The following HEMK2 variants were observed in gnomAD, a reference collection of about 807,000 sequenced individuals.
The protein encoded by HEMK2 is HemK methyltransferase 2, ETF1 glutamine and histone H4 lysine.
chr21:28,766,050 A>C, the HEMK2 span, among the ~76,000 whole-genome samples: 1 of 152,114 alleles, frequency 6.6e-6, no homozygotes, highest in East Asian at 1.9e-4. Context: ...AAAGTATCAC[A>C]AGGACAGAAA....
At chr21:28,697,787 A>AAAAAAAAG in the HEMK2 span, among the ~76,000 whole-genome samples, 1 of 151,690 alleles carries the variant, frequency 6.6e-6, no homozygotes, top group East Asian at 1.9e-4. Context: ...CCAAAAAAAA[A>AAAAAAAAG]AAAAAAAAAA....
the HEMK2 span, among the ~76,000 whole-genome samples, chr21:28,858,523 T>C: frequency 6.6e-6 from 1 of 150,630 alleles, no homozygotes; most frequent in East Asian, 2.0e-4. Flanking sequence ...GTTATTCAGA[T>C]AGATGTATAG....
At chr21:28,644,604 G>A in the HEMK2 span, among the ~76,000 whole-genome samples, 1 of 152,156 alleles carries the variant, frequency 6.6e-6, no homozygotes, top group African/African-American at 2.4e-5. Flanking sequence ...TGGATCAAAT[G>A]AGCTAATAAC....
the HEMK2 span, among the ~76,000 whole-genome samples, chr21:28,591,468 A>T: frequency 2.2e-4 from 33 of 152,330 alleles, no homozygotes; most frequent in East Asian, 6.0e-3. Context: ...AAAAAAAATG[A>T]TGCATGACGT....
At chr21:28,735,153 G>C in the HEMK2 span, among the ~76,000 whole-genome samples, 184 of 152,258 alleles carry the variant, frequency 1.2e-3, 1 homozygote, top group African/African-American at 3.7e-3. Flanking sequence ...GGGCTATGTT[G>C]GTTTTCTGTT....
chr21:28,580,840 C>T, the HEMK2 span, among the ~76,000 whole-genome samples: 5 of 152,118 alleles, frequency 3.3e-5, no homozygotes, highest in Non-Finnish European at 7.3e-5. Context: ...AGGTGTTTCC[C>T]TTCCCAACTA....
At chr21:28,870,464 T>C in the HEMK2 span, among the ~76,000 whole-genome samples, 4 of 152,198 alleles carry the variant, frequency 2.6e-5, no homozygotes, top group Non-Finnish European at 5.9e-5. Flanking sequence ...TGCAATGGCA[T>C]GATCTCAGCT....
At chr21:28,579,384 G>T in the HEMK2 span, among the ~76,000 whole-genome samples, 37 of 152,156 alleles carry the variant, frequency 2.4e-4, no homozygotes, top group East Asian at 6.9e-3. Context: ...GAACAGGTTT[G>T]AACCTCTTAT....
the HEMK2 span, among the ~76,000 whole-genome samples, chr21:28,718,155 T>C: frequency 6.6e-6 from 1 of 152,218 alleles, no homozygotes; most frequent in Non-Finnish European, 1.5e-5. Flanking sequence ...TTGTTTTGAT[T>C]TCTACCTTAA....
chr21:28,841,116 TATATATA>T, the HEMK2 span, among the ~76,000 whole-genome samples: 5 of 34,258 alleles, frequency 1.5e-4, no homozygotes, highest in Admixed American at 5.3e-4. Flanking sequence ...TAATAAATAT[TATATATA>T]ATATATAATA....
At chr21:28,671,166 G>C in the HEMK2 span, 1 of 152,214 alleles carries the variant, frequency 6.6e-6, no homozygotes, top group Non-Finnish European at 1.5e-5. Flanking sequence ...GCCAGCTTTG[G>C]ATCTTGCCTG....
At chr21:28,869,040 T>C in the HEMK2 span, among the ~76,000 whole-genome samples, 2 of 152,190 alleles carry the variant, frequency 1.3e-5, no homozygotes, top group Non-Finnish European at 2.9e-5. Context: ...GGAGTGGTAA[T>C]AGGTGGCAAT....
the HEMK2 span, among the ~76,000 whole-genome samples, chr21:28,878,605 A>AT: frequency 1.3e-5 from 2 of 152,158 alleles, no homozygotes; most frequent in African/African-American, 4.8e-5. Context: ...TAATAAGTGG[A>AT]TAAAAAATGT....
chr21:28,802,797 A>G, the HEMK2 span, among the ~76,000 whole-genome samples: 1 of 152,236 alleles, frequency 6.6e-6, no homozygotes, highest in Admixed American at 6.5e-5. Flanking sequence ...TAATAATTTT[A>G]GCATTTTGAA....
At chr21:28,665,403 A>G in the HEMK2 span, among the ~76,000 whole-genome samples, 1 of 7,610 alleles carries the variant, frequency 1.3e-4, no homozygotes, top group East Asian at 6.5e-3. Context: ...TTTTTTTTTT[A>G]TTATAGTCTA....
At chr21:28,577,648 G>C in the HEMK2 span, among the ~76,000 whole-genome samples, 6 of 152,090 alleles carry the variant, frequency 3.9e-5, no homozygotes, top group African/African-American at 1.4e-4. Flanking sequence ...AGGTTTCCCA[G>C]CTACATTTGA....
chr21:28,878,355 G>A, the HEMK2 span: 1 of 1,610,358 alleles, frequency 6.2e-7, no homozygotes, highest in Non-Finnish European at 8.5e-7. Context: ...TAGAAAGAAT[G>A]TTTTCTTTTA....
chr21:28,814,736 T>C, the HEMK2 span, among the ~76,000 whole-genome samples: 2 of 151,908 alleles, frequency 1.3e-5, no homozygotes, highest in African/African-American at 4.8e-5. Flanking sequence ...AAACAACAGG[T>C]GCTGGAGAGG....
the HEMK2 span, among the ~76,000 whole-genome samples, chr21:28,809,229 G>C: frequency 0.11 from 16,942 of 151,638 alleles, 2,358 homozygotes; most frequent in African/African-American, 0.32. Context: ...AGGAAAGATA[G>C]AGGCATAAAG....
Sources: allele counts gnomAD v4.1 joint callset (sites outside exome capture counted in the v4.1 genomes callset), GRCh38; gene constraint gnomAD v4.1.1; transcripts MANE v1.5; gene names NCBI Gene and HGNC (gene_info 2026-07-23, HGNC 2026-07-21).